Variants in LBP observed in about 807,000 individuals in gnomAD.
LBP encodes the protein lipopolysaccharide binding protein.
LBP carries 53 observed loss-of-function variants against 56.6 expected under a neutral mutation model. The observed-to-expected ratio is 0.94, with a 90% CI of 0.75 to 1.18. LBP has a LOEUF of 1.18. Ranked by LOEUF, LBP falls within the 50% of genes most tolerant of loss-of-function variation. LBP has a pLI of 0.00. For synonymous variants in LBP, 227 were observed against 247.5 expected, an observed-to-expected ratio of 0.92 and a Z score of 0.78; for missense variants, 601 against 598.3, an observed-to-expected ratio of 1.00 and a Z score of -0.05.
intron 5 of LBP, among the ~76,000 whole-genome samples, chr20:38,357,836 A>G (rs934464754): frequency 6.6e-6 from 1 of 152,154 alleles, no homozygotes; most frequent in East Asian, 1.9e-4. Flanking sequence ...TAGACCATAT[A>G]GGGTAACTTG....
At chr20:38,353,549 C>T (rs34553900) in intron 3 of LBP, among the ~76,000 whole-genome samples, 19,796 of 129,522 alleles carry the variant, frequency 0.15, 1,508 homozygotes, top group Middle Eastern at 0.23. Flanking sequence ...CCACACCACG[C>T]GTATATCTTG....
intron 7 of LBP, 109 bp from the exon 8 acceptor site, chr20:38,364,467 A>G: frequency 1.0e-6 from 1 of 994,832 alleles, no homozygotes; most frequent in Non-Finnish European, 1.6e-6. Context: ...GTGGAGTTTC[A>G]GGCAGTGTTC....
chr20:38,362,521 G>A (rs2076864703), intron 6 of LBP, among the ~76,000 whole-genome samples: 1 of 151,576 alleles, frequency 6.6e-6, no homozygotes, highest in Admixed American at 6.6e-5. Context: ...GCTGAGGCAG[G>A]AGAATCACTT....
At chr20:38,375,613 T>G (rs1490877508) in intron 14 of LBP, among the ~76,000 whole-genome samples, 1 of 152,200 alleles carries the variant, frequency 6.6e-6, no homozygotes, top group Non-Finnish European at 1.5e-5. Flanking sequence ...AAGGTTCTTT[T>G]TAAAGCTTAA....
At chr20:38,365,709 AAAAAAAAAATATAT>A (rs1282128616) in intron 8 of LBP, among the ~76,000 whole-genome samples, 683 of 64,014 alleles carry the variant, frequency 0.011, 2 homozygotes, top group African/African-American at 0.038. Flanking sequence ...AAAAAAAAAA[AAAAAAAAAATATAT>A]ATATATATAT....
At chr20:38,368,265 CT>C (rs886573005) in intron 9 of LBP, among the ~76,000 whole-genome samples, 7 of 152,128 alleles carry the variant, frequency 4.6e-5, no homozygotes, top group Admixed American at 4.6e-4. Context: ...ATGGGCCCAA[CT>C]TTTCTGGAGG....
rs774581911 is a variant in LBP, at chr20:38,364,623, T to G, written c.792T>G (p.Ala264=). 6.2e-7 allele frequency: 1 copy of G among 1,614,196 alleles called. No individual in the cohort carries two copies. Reference sequence around the variant, plus strand: ...ACCGTTCTCCAGTTACCCTCCTTGCTGCAGTCATGAGCCTTCCTGAGGAAC... The same window carrying G: ...ACCGTTCTCCAGTTACCCTCCTTGCGGCAGTCATGAGCCTTCCTGAGGAAC... ...RNHRSPVTLL[A]AVMSLPEEHN... Residue 264 remains alanine, a synonymous_variant, in exon 8 of 15, where the codon GCT becomes GCG. Coordinates refer to ENST00000217407, the MANE Select transcript of LBP (RefSeq NM_004139.5).
At chr20:38,349,069 A>G (rs2076811360) in intron 1 of LBP, among the ~76,000 whole-genome samples, 1 of 152,226 alleles carries the variant, frequency 6.6e-6, no homozygotes, top group African/African-American at 2.4e-5. Context: ...TGCTGGGATT[A>G]CAGGCGTGAG....
intron 8 of LBP, among the ~76,000 whole-genome samples, chr20:38,365,707 A>AT (rs1340194133): frequency 1.2e-4 from 11 of 95,360 alleles, no homozygotes; most frequent in South Asian, 3.0e-4. Context: ...AAAAAAAAAA[A>AT]AAAAAAAAAA....
At chr20:38,353,182 G>A (rs1352073182) in intron 3 of LBP, among the ~76,000 whole-genome samples, 9 of 151,866 alleles carry the variant, frequency 5.9e-5, no homozygotes, top group African/African-American at 4.8e-5. Context: ...GGAAATTCAC[G>A]GAACATAAAA....
intron 7 of LBP, 131 bp from the exon 8 acceptor site, chr20:38,364,445 C>G (rs1350001007): frequency 1.2e-6 from 1 of 850,120 alleles, no homozygotes; most frequent in African/African-American, 1.7e-5. Context: ...AGACATAACA[C>G]TGCCTTTAAT....
intron 5 of LBP, 116 bp downstream of exon 5, chr20:38,355,525 C>A: frequency 2.2e-6 from 2 of 906,382 alleles, no homozygotes; most frequent in African/African-American, 1.6e-5. Flanking sequence ...TACTTGGGCC[C>A]AAAGCCCAGG....
intron 5 of LBP, among the ~76,000 whole-genome samples, chr20:38,358,399 C>T (rs544413330): frequency 3.9e-5 from 6 of 152,294 alleles, no homozygotes; most frequent in Admixed American, 1.3e-4. Context: ...CATGCCTCCC[C>T]TGCCCAGTCC....
chr20:38,348,791 T>TAG (rs1435099982), intron 1 of LBP, among the ~76,000 whole-genome samples: 8,572 of 135,926 alleles, frequency 0.063, 313 homozygotes, highest in African/African-American at 0.1. Flanking sequence ...TAGTTTAGTT[T>TAG]TGTTTTGTTT....
chr20:38,346,521 G>T lies in LBP; in HGVS notation c.5G>T (p.Gly2Val). The T allele has an allele frequency of 1.9e-6, 3 of 1,613,470 alleles. No individual in the cohort carries two copies. Among genetic ancestry groups the T allele is most frequent in the Non-Finnish European group, 2.5e-6 (3 of 1,179,904 alleles). Residue 2 changes from glycine (G) to valine (V), a missense_variant, in exon 1 of 15, where the codon GGG (glycine) becomes GTG (valine). Transcript: ENST00000217407. The stretch of plus-strand genomic sequence containing the variant: ...CCACTGCACTGGGAATCTAGGATGG[G>T]GGCCTTGGCCAGAGCCCTGCCGTCC... M[G>V]ALARALPSIL...
Position 38,359,836 on chromosome 20 carries a change from C to T in LBP, c.589-868C>T, listed in dbSNP as rs529818787. Among the ~76,000 whole-genome samples, 14 of 152,202 alleles carry T rather than the reference C, an allele frequency of 9.2e-5. No individual in the cohort carries two copies. In the South Asian group the frequency reaches 2.1e-3, roughly 23 times the overall value. ...CATTTCCTTCTCTTGAGAAGCAGGCCGCACAACTGGTGGCAATTGTGTGTG... is the reference window on the plus strand; with the variant it reads ...CATTTCCTTCTCTTGAGAAGCAGGCTGCACAACTGGTGGCAATTGTGTGTG... On this transcript the variant is annotated intron_variant, in intron 5 of 14. Transcript: ENST00000217407.
chr20:38,352,673 G>A (rs886086731), intron 3 of LBP, among the ~76,000 whole-genome samples: 3 of 152,128 alleles, frequency 2.0e-5, no homozygotes, highest in Non-Finnish European at 2.9e-5. Flanking sequence ...GAGAACCGCT[G>A]TAGCCTGGGA....
chr20:38,376,710 C>CAACAAGCAGA lies in LBP; in HGVS notation c.*41_*42insAACAAGCAGA. The CAACAAGCAGA allele has an allele frequency of 6.4e-7, 1 of 1,565,288 alleles. No individual in the cohort carries two copies. Among genetic ancestry groups the CAACAAGCAGA allele is most frequent in the South Asian group, 1.1e-5 (1 of 90,028 alleles). ...AGCTTGGAGGTCACAGCTGGATCTG[C>CAACAAGCAGA]TTGTTGCATTTCCAGCTGTGCAGCA... On this transcript the variant is annotated 3_prime_UTR_variant, in exon 15 of 15. Transcript: ENST00000217407.
At chr20:38,366,693 CT>C in intron 8 of LBP, 75 bp from the exon 9 acceptor site, 1 of 1,357,912 alleles carries the variant, frequency 7.4e-7, no homozygotes. Flanking sequence ...GCACATCCCC[CT>C]GTCTCCCCAA....
Sources: allele counts gnomAD v4.1 joint callset (sites outside exome capture counted in the v4.1 genomes callset), GRCh38; gene constraint gnomAD v4.1.1; transcripts MANE v1.5; gene names NCBI Gene and HGNC (gene_info 2026-07-23, HGNC 2026-07-21).